The following BMPR1B variants were observed in gnomAD, a reference collection of about 807,000 sequenced individuals.
The protein encoded by BMPR1B is bone morphogenetic protein receptor type-1B.
Under a neutral mutation model 59.1 loss-of-function variants are expected in BMPR1B, and 12 were observed. The ratio of observed to expected loss-of-function variants is 0.20; its 90% confidence interval spans 0.13 to 0.33. BMPR1B has a LOEUF of 0.33. Ranked by LOEUF, BMPR1B falls within the 10% of genes least tolerant of loss-of-function variation. The pLI, the probability that BMPR1B is intolerant of heterozygous loss-of-function variation, is 1.00. For synonymous variants in BMPR1B, 237 were observed against 207.3 expected (o/e 1.14, Z -1.23); for missense variants, 550 against 610.9 (o/e 0.90, Z 1.05).
intron 3 of BMPR1B, among the ~76,000 whole-genome samples, chr4:95,077,306 C>T (rs989877095): frequency 2.6e-5 from 4 of 152,080 alleles, no homozygotes; most frequent in Non-Finnish European, 4.4e-5. Context: ...CATCTTAGCT[C>T]CACCTTAAGA....
intron 1 of BMPR1B, among the ~76,000 whole-genome samples, chr4:94,821,852 C>T (rs931245219): frequency 1.3e-5 from 2 of 152,126 alleles, no homozygotes; most frequent in African/African-American, 4.8e-5. Context: ...TGTGTCTATT[C>T]ACCTCACAGG....
At chr4:95,000,567 G>A (rs1181813382) in intron 3 of BMPR1B, among the ~76,000 whole-genome samples, 1 of 151,888 alleles carries the variant, frequency 6.6e-6, no homozygotes, top group Non-Finnish European at 1.5e-5. Flanking sequence ...AAGTGCCTTA[G>A]CAAAGAGTTT....
At chr4:94,907,752 C>T (rs1338440871) in intron 2 of BMPR1B, among the ~76,000 whole-genome samples, 1 of 151,830 alleles carries the variant, frequency 6.6e-6, no homozygotes, top group East Asian at 1.9e-4. Flanking sequence ...TCTATTAATT[C>T]ATTCAGTGAA....
chr4:95,009,171 C>G (rs915195340), intron 3 of BMPR1B, among the ~76,000 whole-genome samples: 1 of 152,226 alleles, frequency 6.6e-6, no homozygotes, highest in African/African-American at 2.4e-5. Context: ...CACGAACTCT[C>G]ATTCACTGCT....
At chr4:95,080,103 G>A (rs1173319586) in intron 3 of BMPR1B, among the ~76,000 whole-genome samples, 1 of 152,016 alleles carries the variant, frequency 6.6e-6, no homozygotes, top group African/African-American at 2.4e-5. Context: ...ATCTCAAGAG[G>A]TTCAAAAATT....
chr4:95,071,356 T>C (rs1437144699), intron 3 of BMPR1B, among the ~76,000 whole-genome samples: 1 of 152,020 alleles, frequency 6.6e-6, no homozygotes, highest in Non-Finnish European at 1.5e-5. Flanking sequence ...CCCAAGGAAA[T>C]TTATAGAAAC....
intron 1 of BMPR1B, among the ~76,000 whole-genome samples, chr4:94,845,969 G>A (rs1357675941): frequency 6.6e-6 from 1 of 152,108 alleles, no homozygotes; most frequent in Non-Finnish European, 1.5e-5. Context: ...ATATTAAAAG[G>A]TGTTTAGAAA....
intron 1 of BMPR1B, among the ~76,000 whole-genome samples, chr4:94,794,269 A>G (rs1262439525): frequency 1.3e-5 from 2 of 149,012 alleles, no homozygotes; most frequent in African/African-American, 5.0e-5. Context: ...CATTTATTAA[A>G]TAGGGAATCC....
intron 2 of BMPR1B, among the ~76,000 whole-genome samples, chr4:94,953,127 A>G (rs1436997978): frequency 1.3e-5 from 2 of 151,806 alleles, no homozygotes; most frequent in African/African-American, 4.8e-5. Context: ...ATCTTCCTCC[A>G]TCCCTTTATT....
At chr4:94,844,667 T>A (rs530359356) in intron 1 of BMPR1B, among the ~76,000 whole-genome samples, 46 of 88,718 alleles carry the variant, frequency 5.2e-4, no homozygotes, top group Admixed American at 3.8e-3. Flanking sequence ...TCTGCCTGAC[T>A]TCCCCCCGCT....
chr4:94,834,646 G>GTGTAGAAAATGAAATTC (rs145215915), intron 1 of BMPR1B, among the ~76,000 whole-genome samples: 18,329 of 151,998 alleles, frequency 0.12, 1,153 homozygotes, highest in Non-Finnish European at 0.13. Flanking sequence ...TTGAGGATTG[G>GTGTAGAAAATGAAATTC]TGTAGTTTAG....
At chr4:94,917,196 G>T (rs1429419973) in intron 2 of BMPR1B, among the ~76,000 whole-genome samples, 1 of 152,228 alleles carries the variant, frequency 6.6e-6, no homozygotes, top group Non-Finnish European at 1.5e-5. Context: ...CTGTTAGGAT[G>T]GTGCTGAGGG....
chr4:95,085,847 C>A (rs1729531359), intron 3 of BMPR1B, among the ~76,000 whole-genome samples: 1 of 152,010 alleles, frequency 6.6e-6, no homozygotes, highest in Non-Finnish European at 1.5e-5. Context: ...TATTTTTGAT[C>A]ATTAGCTGGA....
chr4:94,943,512 C>T (rs1729598062), intron 2 of BMPR1B, among the ~76,000 whole-genome samples: 1 of 152,150 alleles, frequency 6.6e-6, no homozygotes, highest in African/African-American at 2.4e-5. Context: ...ATAATAGTAC[C>T]TACTACATAG....
chr4:94,954,311 T>A (rs1029688499), intron 2 of BMPR1B, among the ~76,000 whole-genome samples: 5 of 152,214 alleles, frequency 3.3e-5, no homozygotes, highest in Admixed American at 2.0e-4. Flanking sequence ...TCAACATTTA[T>A]TTTCTACTCA....
intron 8 of BMPR1B, among the ~76,000 whole-genome samples, chr4:95,128,600 ATTG>A (rs1733073706): frequency 6.6e-6 from 1 of 152,102 alleles, no homozygotes; most frequent in Non-Finnish European, 1.5e-5. Context: ...TCTTTATAAT[ATTG>A]TTCAGAGCTC....
intron 11 of BMPR1B, among the ~76,000 whole-genome samples, chr4:95,152,079 T>C (rs1317843893): frequency 6.6e-6 from 1 of 152,162 alleles, no homozygotes; most frequent in African/African-American, 2.4e-5. Context: ...AGGAAAAAAA[T>C]CAGATAATCC....
intron 1 of BMPR1B, among the ~76,000 whole-genome samples, chr4:94,862,483 T>G (rs951692216): frequency 6.6e-6 from 1 of 151,374 alleles, no homozygotes; most frequent in African/African-American, 2.4e-5. Context: ...GAAACATATT[T>G]CTTAATGAAA....
At chr4:94,865,820 A>T (rs1203042763) in intron 1 of BMPR1B, among the ~76,000 whole-genome samples, 1 of 152,226 alleles carries the variant, frequency 6.6e-6, no homozygotes, top group Admixed American at 6.5e-5. Context: ...TGCATTACAT[A>T]ACAGACTCAT....
Sources: gnomAD v4.1 joint callset for allele counts (sites outside exome capture counted in the v4.1 genomes callset) on GRCh38, gnomAD v4.1.1 for gene constraint, MANE v1.5 for transcripts, NCBI Gene and HGNC (gene_info 2026-07-23, HGNC 2026-07-21) for gene names.